The following TTLL9 variants were observed in gnomAD, a reference collection of about 807,000 sequenced individuals.
TTLL9 encodes probable tubulin polyglutamylase TTLL9.
Under a neutral mutation model 65.6 loss-of-function variants are expected in TTLL9, and 47 were observed. The ratio of observed to expected loss-of-function variants is 0.72; its 90% CI spans 0.57 to 0.91. The LOEUF (loss-of-function observed/expected upper bound fraction) is 0.91. Among genes scored for constraint, TTLL9 ranks in the 40% least tolerant of loss-of-function variants. TTLL9 has a pLI of 0.00. For missense variants in TTLL9, 537 were observed against 568.8 expected, an observed-to-expected ratio of 0.94 and a Z score of 0.57; for synonymous variants, 179 against 204.8, an observed-to-expected ratio of 0.87 and a Z score of 1.07.
Position 31,937,424 on chromosome 20 carries a change from T to C in TTLL9, c.1033T>C (p.Ser345Pro), listed in dbSNP as rs1485803048. The C allele has an allele frequency of 1.2e-6, 2 of 1,613,682 alleles. 1 individual carries two copies. The highest frequency in any genetic ancestry group is 2.2e-5 in the South Asian group (2 of 91,052). The change falls in exon 13 of 15, where the codon TCA becomes CCA. Residue 345 changes from serine (S) to proline (P), a missense_variant. Transcript: ENST00000535842. ...PWLLEVNASP[S>P]LTASSQEDYE... is the part of the protein sequence containing the mutation. ...GCTCCTGGAGGTCAATGCGTCCCCA[T>C]CACTGACAGCCAGCAGCCAGGAAGA...
chr20:31,889,696 A>G (rs1360231285), intron 3 of TTLL9, among the ~76,000 whole-genome samples: 1 of 151,596 alleles, frequency 6.6e-6, no homozygotes. Context: ...CTGGGGTTAC[A>G]GGTGTGAGCC....
intron 14 of TTLL9, among the ~76,000 whole-genome samples, chr20:31,942,591 C>T (rs2064229627): frequency 6.6e-6 from 1 of 152,064 alleles, no homozygotes. Flanking sequence ...ATGATTTAAC[C>T]TCTCTGAGCC....
intron 3 of TTLL9, among the ~76,000 whole-genome samples, chr20:31,890,145 C>CTTT (rs1377831263): frequency 1.1e-3 from 125 of 113,206 alleles, no homozygotes; most frequent in Middle Eastern, 3.8e-3. Context: ...TTCCTTCCTT[C>CTTT]CTTCCTTCCT....
At chr20:31,942,921 G>A in intron 14 of TTLL9, 24 bp from the exon 15 acceptor site, 1 of 1,613,736 alleles carries the variant, frequency 6.2e-7, no homozygotes. Flanking sequence ...GGTCATCCCA[G>A]CCAACACCCC....
chr20:31,939,153 G>A lies in TTLL9; in HGVS notation c.1130G>A (p.Arg377Lys), dbSNP rs763304533. 17 of 1,591,522 alleles carry A rather than the reference G, an allele frequency of 1.1e-5. No individual in the cohort carries two copies. The highest frequency in any genetic ancestry group is 1.5e-5 in the Non-Finnish European group (17 of 1,169,034). ...TCCTTCCTGTCCAGGCTCACGGGAAGGGAGAAGCGAGTCGGGGGCTTTGAC... is the reference window on the plus strand; with the variant it reads ...TCCTTCCTGTCCAGGCTCACGGGAAAGGAGAAGCGAGTCGGGGGCTTTGAC... ...VVDMEARLTGREKRVGGFDLM... is the reference protein window; with the variant it reads ...VVDMEARLTGKEKRVGGFDLM... Residue 377 changes from arginine to lysine, a missense_variant, in exon 14 of 15, where the codon AGG (arginine) becomes AAG (lysine). Arg to Lys is a conservative substitution (Grantham distance 26, BLOSUM62 2). This residue lies in a region of TTLL9 where 205 missense variants were observed against 225.9 expected (regional missense o/e 0.91). Transcript: ENST00000535842.
intron 6 of TTLL9, among the ~76,000 whole-genome samples, chr20:31,914,923 A>G (rs959329325): frequency 4.6e-5 from 7 of 152,238 alleles, no homozygotes; most frequent in African/African-American, 1.7e-4. Flanking sequence ...GGAGGCCTGC[A>G]AGGTGCATTG....
At chr20:31,901,869 T>C (rs2063484761) in intron 4 of TTLL9, among the ~76,000 whole-genome samples, 1 of 152,060 alleles carries the variant, frequency 6.6e-6, no homozygotes, top group African/African-American at 2.4e-5. Context: ...TATTATAGAG[T>C]TGTTTCCTTG....
At position 31,933,841 on chromosome 20, in the gene TTLL9, G is replaced by A. The variant is rs375480533; in HGVS notation, c.790G>A (p.Asp264Asn). The A allele has an allele frequency of 1.9e-5, 31 of 1,613,830 alleles. No individual in the cohort carries two copies. The highest frequency in any genetic ancestry group is 1.3e-4 in the African/African-American group (10 of 74,900). Reference sequence around the variant, plus strand: ...CGTGGCTGTGCAAAAAACATCTCCCGACTACCACCCAAAGAAGGTGAGGAA... The same window carrying A: ...CGTGGCTGTGCAAAAAACATCTCCCAACTACCACCCAAAGAAGGTGAGGAA... The part of the protein sequence containing the change: ...TNVAVQKTSP[D>N]YHPKKGCKWT... Residue 264 changes from aspartate (D) to asparagine (N), a missense_variant, in exon 11 of 15, where the codon GAC becomes AAC. Asp to Asn is a conservative substitution (Grantham distance 23, BLOSUM62 1). Coordinates refer to ENST00000535842, the MANE Select transcript of TTLL9 (RefSeq NM_001008409.5).
intron 3 of TTLL9, among the ~76,000 whole-genome samples, chr20:31,890,155 T>TTCTTTCTTTCTTTCTTTCTC (rs1568753717): frequency 2.7e-4 from 23 of 85,456 alleles, no homozygotes; most frequent in Non-Finnish European, 4.0e-4. Flanking sequence ...CCTTCCTTCC[T>TTCTTTCTTTCTTTCTTTCTC]TCTTTCTTTC....
chr20:31,909,125 ATTTTTTTTTTTT>A (rs11476481), intron 5 of TTLL9, among the ~76,000 whole-genome samples: 17 of 79,378 alleles, frequency 2.1e-4, no homozygotes, highest in Non-Finnish European at 3.8e-4. Context: ...TGAAAGCATG[ATTTTTTTTTTTT>A]TTTTTTTTTT....
intron 4 of TTLL9, among the ~76,000 whole-genome samples, chr20:31,904,063 G>C (rs1162908848): frequency 6.6e-6 from 1 of 152,156 alleles, no homozygotes; most frequent in Non-Finnish European, 1.5e-5. Context: ...GGATTTGTCT[G>C]ATGTTTTCTC....
In TTLL9 at chr20:31,870,780, G is replaced by A; in HGVS notation, c.-175G>A. ...GGGGGGATGTCGCCTAGAGCCCCCC[G>A]GCCGGCCCACAAACTCCCGTCCCCC... On this transcript the variant is annotated 5_prime_UTR_variant, in exon 1 of 15. Coordinates refer to ENST00000535842, the MANE Select transcript of TTLL9 (RefSeq NM_001008409.5). This position sits in a 1 kb window ranked among gnomAD's most constrained non-coding sequence, Gnocchi z 6.6. 1 of 488,612 alleles carries A rather than the reference G, an allele frequency of 2.0e-6. No homozygotes were observed. Among genetic ancestry groups the A allele is most frequent in the Non-Finnish European group, 3.5e-6 (1 of 287,432 alleles). 30.3% of individuals were successfully genotyped at this position (488,612 alleles called of 1,614,324 possible).
At chr20:31,902,035 A>T (rs1203686506) in intron 4 of TTLL9, among the ~76,000 whole-genome samples, 2 of 152,224 alleles carry the variant, frequency 1.3e-5, no homozygotes, top group Non-Finnish European at 2.9e-5. Flanking sequence ...TTTAATTTTG[A>T]TAAGTCCAAA....
intron 3 of TTLL9, among the ~76,000 whole-genome samples, chr20:31,892,385 G>T (rs1156914009): frequency 1.3e-5 from 2 of 152,022 alleles, no homozygotes; most frequent in African/African-American, 4.8e-5. Flanking sequence ...GGCCAGGCTG[G>T]TCTGGAACCC....
Position 31,880,852 on chromosome 20 carries a change from C to CTTT in TTLL9, c.70-6326_70-6324dup, listed in dbSNP as rs35047352. Among the ~76,000 whole-genome samples the CTTT allele has an allele frequency of 1.1e-3, 123 of 108,226 alleles. 5 individuals carry two copies. The highest frequency in any genetic ancestry group is 0.014 in the Middle Eastern group (2 of 142). The allele number at this position is 108,226 out of a possible 152,430, so 71.0% of individuals were successfully genotyped here. A position where few individuals can be genotyped will look rare whatever the true frequency, so the allele number is the denominator to read the frequency against. ...CACCTTCATTTCTCTTCTTTCTTTC[C>CTTT]TTTTTTTTTTTTTTTTTTTTGAGAC... is the stretch of plus-strand genomic sequence containing the variant. On this transcript the variant is annotated intron_variant, in intron 2 of 14. Transcript: ENST00000535842.
At chr20:31,923,804 C>A (rs1019039527) in intron 8 of TTLL9, among the ~76,000 whole-genome samples, 2 of 152,074 alleles carry the variant, frequency 1.3e-5, no homozygotes, top group African/African-American at 2.4e-5. Context: ...CAGGGGGCAG[C>A]CCCTGGGCCT....
intron 2 of TTLL9, among the ~76,000 whole-genome samples, chr20:31,873,821 G>GA (rs2062991828): frequency 9.3e-4 from 89 of 96,064 alleles, no homozygotes; most frequent in African/African-American, 2.4e-3. Flanking sequence ...AGGAAGGAAG[G>GA]AAGAAAGAAA....
At chr20:31,925,606 G>T (rs1017854671) in intron 9 of TTLL9, among the ~76,000 whole-genome samples, 2 of 152,092 alleles carry the variant, frequency 1.3e-5, no homozygotes, top group Non-Finnish European at 2.9e-5. Flanking sequence ...CTGGGCACAG[G>T]ATACAGGGGT....
intron 2 of TTLL9, chr20:31,879,930 G>T (rs1356227765): frequency 3.4e-6 from 5 of 1,457,148 alleles, no homozygotes; most frequent in Middle Eastern, 1.8e-4. Flanking sequence ...TGCTTTTATC[G>T]TCCCTAGAAA....
Sources: gnomAD v4.1 joint callset for allele counts (sites outside exome capture counted in the v4.1 genomes callset) on GRCh38, gnomAD v4.1.1 for gene constraint, gnomAD v4.1.1 regional missense constraint, Gnocchi (gnomAD v3.1) non-coding constraint, MANE v1.5 for transcripts, NCBI Gene and HGNC (gene_info 2026-07-23, HGNC 2026-07-21) for gene names.